Variants in PIEZO1 observed in about 807,000 individuals in gnomAD.
PIEZO1 encodes the protein piezo-type mechanosensitive ion channel component 1.
Under a neutral mutation model 297.2 loss-of-function variants are expected in PIEZO1, and 296 were observed. The ratio of observed to expected loss-of-function variants is 1.00; its 90% confidence interval spans 0.91 to 1.10. The LOEUF (loss-of-function observed/expected upper bound fraction) is 1.10. PIEZO1 is among the 50% of genes least tolerant of loss of function. The pLI, the probability that PIEZO1 is intolerant of heterozygous loss-of-function variation, is 0.00. For missense variants in PIEZO1, 5,018 were observed against 3,455.5 expected (o/e 1.45, Z -11.34); for synonymous variants, 2,427 against 1,507.5 (o/e 1.61, Z -14.13).
chr16:88,722,432 T>A (rs548783314), intron 35 of PIEZO1, 35 bp from the exon 36 acceptor site: 3 of 1,475,046 alleles, frequency 2.0e-6, no homozygotes, highest in African/African-American at 2.8e-5. Context: ...AGAATCCTGC[T>A]CTATGGCCTG....
chr16:88,779,523 C>T (rs73251038), intron 1 of PIEZO1, among the ~76,000 whole-genome samples: 34,396 of 152,234 alleles, frequency 0.23, 3,991 homozygotes, highest in Middle Eastern at 0.34. Flanking sequence ...CACCCCAACA[C>T]CCACCTCCAC....
At chr16:88,749,537 G>A (rs1906274673) in intron 1 of PIEZO1, 58 bp from the exon 2 acceptor site, 1 of 1,297,124 alleles carries the variant, frequency 7.7e-7, no homozygotes, top group African/African-American at 1.5e-5. Context: ...CCCCACCCCA[G>A]AGGACAGCGC....
intron 15 of PIEZO1, 42 bp downstream of exon 15, chr16:88,734,608 G>A (rs770217538): frequency 6.5e-7 from 1 of 1,549,270 alleles, no homozygotes; most frequent in Non-Finnish European, 8.7e-7. Context: ...GAAGTGCACG[G>A]GGTTTCGGCG....
chr16:88,722,399 T>A lies in PIEZO1; in HGVS notation c.4776-2A>T, dbSNP rs1174925002. ...AGTGGCTCCTCCGCGCCCAGCCCAC[T>A]GGGGAGGGAAGCCGAGTCACAGAGA... is the stretch of plus-strand genomic sequence containing the variant. On this transcript the variant is annotated splice_acceptor_variant, in intron 35 of 50. Transcript: ENST00000301015. LOFTEE classifies it high-confidence loss of function. The A allele has an allele frequency of 6.7e-7, 1 of 1,491,452 alleles. No homozygotes were observed. The highest frequency in any genetic ancestry group is 1.3e-5 in the South Asian group (1 of 75,612). The allele number at this position is 1,491,452 out of a possible 1,614,324, so 92.4% of individuals were successfully genotyped here.
Position 88,720,296 on chromosome 16 carries a change from G to A in PIEZO1, c.5950-13C>T, listed in dbSNP as rs1289864024. 5 of 1,550,146 alleles carry A rather than the reference G, an allele frequency of 3.2e-6. No homozygotes were observed. The highest frequency in any genetic ancestry group is 2.0e-5 in the Admixed American group (1 of 50,988). On this transcript the variant is annotated splice_polypyrimidine_tract_variant and intron_variant, in intron 41 of 50. Coordinates refer to ENST00000301015, the MANE Select transcript of PIEZO1 (RefSeq NM_001142864.4). Reference sequence around the variant, plus strand: ...CCGCCGAGTGCTTCTGTGGCCAGGAGAGCACAGGTCAGGGGGAGCCAAGCC... The same window carrying A: ...CCGCCGAGTGCTTCTGTGGCCAGGAAAGCACAGGTCAGGGGGAGCCAAGCC...
Position 88,722,818 on chromosome 16 carries a change from G to T in PIEZO1, c.4668+19C>A. ...AGTCAGGCAGAGCAGGGACGAGCGT[G>T]GTGCACGGGCAGGCTCACCTGCAGG... On this transcript the variant is annotated intron_variant, in intron 34 of 50. Coordinates refer to ENST00000301015, the MANE Select transcript of PIEZO1 (RefSeq NM_001142864.4). 1 of 1,541,612 alleles carries T rather than the reference G, an allele frequency of 6.5e-7. No individual in the cohort carries two copies.
At position 88,785,024 on chromosome 16, in the gene PIEZO1, G is replaced by T; in HGVS notation, c.-60C>A. On this transcript the variant is annotated 5_prime_UTR_variant, in exon 1 of 51. Coordinates refer to ENST00000301015, the MANE Select transcript of PIEZO1 (RefSeq NM_001142864.4). The stretch of plus-strand genomic sequence containing the variant: ...GGACGCCGCGGCGCTATGGGGCGGT[G>T]CGGGGGCCCCGGGGCCGGCGCGCCA... 2 of 1,087,982 alleles carry T rather than the reference G, an allele frequency of 1.8e-6. No homozygotes were observed. The highest frequency in any genetic ancestry group is 2.3e-6 in the Non-Finnish European group (2 of 869,738). 67.4% of individuals were successfully genotyped at this position (1,087,982 alleles called of 1,614,324 possible). A position where few individuals can be genotyped will look rare whatever the true frequency, so the allele number is the denominator to read the frequency against.
chr16:88,772,095 C>G (rs540914846), intron 1 of PIEZO1, among the ~76,000 whole-genome samples: 7 of 150,626 alleles, frequency 4.6e-5, no homozygotes, highest in African/African-American at 1.7e-4. Context: ...ACCCGCGGCC[C>G]CAGGCCCTCC....
intron 1 of PIEZO1, among the ~76,000 whole-genome samples, chr16:88,756,087 G>T (rs1567686741): frequency 6.6e-6 from 1 of 152,170 alleles, no homozygotes; most frequent in East Asian, 1.9e-4. Context: ...CTCAGCCATG[G>T]AAGGTATCAC....
intron 21 of PIEZO1, 142 bp from the exon 22 acceptor site, chr16:88,732,052 GT>G: frequency 4.0e-6 from 1 of 252,320 alleles, no homozygotes. Context: ...CAGCGGCGCT[GT>G]CAAGAGGGCA....
intron 1 of PIEZO1, among the ~76,000 whole-genome samples, chr16:88,760,882 T>C (rs931902549): frequency 5.9e-5 from 9 of 152,232 alleles, no homozygotes; most frequent in African/African-American, 1.9e-4. Flanking sequence ...CAGGTTTAAT[T>C]AGCTCAGTGT....
Position 88,722,003 on chromosome 16 carries a change from C to G in PIEZO1, c.5019G>C (p.Leu1673=). The G allele has an allele frequency of 6.5e-7, 1 of 1,549,200 alleles. No homozygotes were observed. Among genetic ancestry groups the G allele is most frequent in the African/African-American group, 1.4e-5 (1 of 73,142 alleles). The change falls in exon 37 of 51, where the codon CTG becomes CTC. Residue 1673 remains leucine, a synonymous_variant. Coordinates refer to ENST00000301015, the MANE Select transcript of PIEZO1 (RefSeq NM_001142864.4). ...ELFAEGQGRA[L]RLLRAVYQCV... is the part of the protein sequence containing the mutation. ...ACTGGTACACGGCCCGCAGCAGCCG[C>G]AGCGCCCGGCCCTGCCCCTCCGCAA...
In PIEZO1 at chr16:88,732,192, C is replaced by T. The variant is rs144953128; in HGVS notation, c.2991+143G>A. On this transcript the variant is annotated intron_variant, in intron 21 of 50. Transcript: ENST00000301015. ...GACACACCACAGGAGTCCAGGGAAGCCGTGCCTGGCCCTGAGTCCCCCACC... is the reference window on the plus strand; with the variant it reads ...GACACACCACAGGAGTCCAGGGAAGTCGTGCCTGGCCCTGAGTCCCCCACC... 656 of 676,844 alleles carry T rather than the reference C, an allele frequency of 9.7e-4. 4 individuals are homozygous for T. In the African/African-American group the frequency reaches 0.011, roughly 11 times the overall value. The allele number at this position is 676,844 out of a possible 1,614,324, so 41.9% of individuals were successfully genotyped here.
intron 1 of PIEZO1, among the ~76,000 whole-genome samples, chr16:88,757,332 G>GGGGGA (rs1906723592): frequency 8.5e-6 from 1 of 118,164 alleles, no homozygotes; most frequent in Non-Finnish European, 1.7e-5. Context: ...GGGGGTGGGG[G>GGGGGA]GTAGTTACCT....
At chr16:88,764,764 AAAAG>A (rs1907094736) in intron 1 of PIEZO1, among the ~76,000 whole-genome samples, 1 of 151,272 alleles carries the variant, frequency 6.6e-6, no homozygotes, top group African/African-American at 2.4e-5. Flanking sequence ...AAAAAAAAAA[AAAAG>A]AAAGAAAAAA....
chr16:88,754,668 CCA>C (rs1906564971), intron 1 of PIEZO1, among the ~76,000 whole-genome samples: 1 of 152,240 alleles, frequency 6.6e-6, no homozygotes, highest in Admixed American at 6.5e-5. Context: ...CCTCCAGGAG[CCA>C]CACAGAGACC....
chr16:88,755,065 A>G (rs28583124), intron 1 of PIEZO1, among the ~76,000 whole-genome samples: 16,523 of 152,148 alleles, frequency 0.11, 1,066 homozygotes, highest in Middle Eastern at 0.21. Context: ...CGCGGCCATC[A>G]CGTCACCGCC....
intron 1 of PIEZO1, among the ~76,000 whole-genome samples, chr16:88,773,372 G>T (rs1460137594): frequency 1.3e-5 from 2 of 152,272 alleles, no homozygotes; most frequent in Non-Finnish European, 2.9e-5. Flanking sequence ...GGTGGGCAGG[G>T]GGAGGGGCCT....
In PIEZO1 at chr16:88,732,545, G is replaced by C. The variant is rs770343407; in HGVS notation, c.2791-10C>G. 41 of 1,544,940 alleles carry C rather than the reference G, an allele frequency of 2.7e-5. No homozygotes were observed. In the African/African-American group the frequency reaches 4.1e-4, roughly 16 times the overall value. On this transcript the variant is annotated splice_polypyrimidine_tract_variant and intron_variant, in intron 20 of 50. Coordinates refer to ENST00000301015, the MANE Select transcript of PIEZO1 (RefSeq NM_001142864.4). ...GCACTTGCAGGTGGTTCTGCGGAGG[G>C]CAAGGGTCAGGGGGCAGCCGGGTAC...
Sources: allele counts gnomAD v4.1 joint callset (sites outside exome capture counted in the v4.1 genomes callset), GRCh38; gene constraint gnomAD v4.1.1; transcripts MANE v1.5; gene names NCBI Gene and HGNC (gene_info 2026-07-23, HGNC 2026-07-21).